Variants in VAV3 observed in about 807,000 individuals in gnomAD.
VAV3 encodes the protein guanine nucleotide exchange factor VAV3.
In VAV3, 94 loss-of-function variants were observed where a neutral mutation model predicts 131.2. The observed-to-expected ratio is 0.72, with a 90% CI of 0.61 to 0.85. VAV3 has a LOEUF of 0.85. VAV3 is among the 40% of genes least tolerant of loss of function. The pLI, the probability that VAV3 is intolerant of heterozygous loss-of-function variation, is 0.00. For missense variants in VAV3, 939 were observed against 1,002.7 expected (o/e 0.94, Z 0.86); for synonymous variants, 349 against 342.0 (o/e 1.02, Z -0.22).
At chr1:107,801,389 T>C (rs1230052978) in intron 2 of VAV3, among the ~76,000 whole-genome samples, 4 of 152,164 alleles carry the variant, frequency 2.6e-5, no homozygotes, top group African/African-American at 7.2e-5. Context: ...AATCTATAGA[T>C]TGCTTTGAGT....
rs912920640 is a variant in VAV3 at position 107,603,160 on chromosome 1, A to G, written c.2019T>C (p.Tyr673=). 8.1e-6 allele frequency: 13 copies of G among 1,612,284 alleles called. No individual in the cohort carries two copies. The highest frequency in any genetic ancestry group is 1.6e-4 in the Middle Eastern group (1 of 6,076). The change falls in exon 23 of 27, where the codon TAT becomes TAC. Residue 673 remains tyrosine (Y), a synonymous_variant. Transcript: ENST00000370056. The part of the protein sequence containing the change: ...KPVDYSCQPW[Y]AGAMERLQAE... ...CTTGCAATCTTTCCATTGCTCCAGC[A>G]TACCTGTAAAAAACAATGACACAGA...
rs184015956 is a variant in VAV3 at position 107,785,752 on chromosome 1, A to T, written c.322-6260T>A. On this transcript the variant is annotated intron_variant, in intron 2 of 26. Coordinates refer to ENST00000370056, the MANE Select transcript of VAV3 (RefSeq NM_006113.5). ...GAAGCATAGTCTGTAGACCAGGTCA[A>T]CTGCAAGCTAGAGGCACCCCAGAGA... 1.2e-3 allele frequency: 910 copies of T among 728,948 alleles called. 1 individual carries two copies. The highest frequency in any genetic ancestry group is 1.4e-3 in the Non-Finnish European group (850 of 589,722). 45.2% of individuals were successfully genotyped at this position (728,948 alleles called of 1,614,324 possible). A position where few individuals can be genotyped will look rare whatever the true frequency, so the allele number is the denominator to read the frequency against.
chr1:107,661,751 G>C (rs1288056013), intron 19 of VAV3, among the ~76,000 whole-genome samples: 1 of 151,870 alleles, frequency 6.6e-6, no homozygotes, highest in East Asian at 1.9e-4. Context: ...TGACAATATG[G>C]GGCCATTCTG....
At chr1:107,795,897 G>A (rs919332338) in intron 2 of VAV3, among the ~76,000 whole-genome samples, 7 of 152,144 alleles carry the variant, frequency 4.6e-5, no homozygotes, top group African/African-American at 1.7e-4. Flanking sequence ...TGGACCGAAA[G>A]ATATCCCCCA....
At chr1:107,767,583 C>A (rs1181210796) in intron 7 of VAV3, among the ~76,000 whole-genome samples, 1 of 152,160 alleles carries the variant, frequency 6.6e-6, no homozygotes, top group Admixed American at 6.5e-5. Context: ...GATGACATGC[C>A]ATTGCTTACC....
chr1:107,861,013 CT>C (rs1385555774), intron 2 of VAV3, among the ~76,000 whole-genome samples: 2 of 151,634 alleles, frequency 1.3e-5, no homozygotes, highest in East Asian at 3.9e-4. Context: ...ATAGATTATG[CT>C]TTATTATTAG....
At chr1:107,759,339 T>C (rs1664290127) in intron 10 of VAV3, among the ~76,000 whole-genome samples, 1 of 152,200 alleles carries the variant, frequency 6.6e-6, no homozygotes. Flanking sequence ...AAGTTACTTT[T>C]ACTTCATTAA....
At chr1:107,746,669 C>T (rs773028792) in intron 15 of VAV3, among the ~76,000 whole-genome samples, 19 of 152,124 alleles carry the variant, frequency 1.2e-4, no homozygotes, top group Middle Eastern at 3.2e-3. Flanking sequence ...CAGCCTCCCT[C>T]GGCAGGTGCG....
At chr1:107,954,163 C>T (rs1034449401) in intron 1 of VAV3, among the ~76,000 whole-genome samples, 3 of 152,068 alleles carry the variant, frequency 2.0e-5, no homozygotes, top group Non-Finnish European at 4.4e-5. Context: ...AATAATGCTC[C>T]AAATAATAGC....
chr1:107,772,341 T>C (rs1665095526), intron 5 of VAV3, among the ~76,000 whole-genome samples: 1 of 152,174 alleles, frequency 6.6e-6, no homozygotes, highest in Non-Finnish European at 1.5e-5. Context: ...AGAAATACTC[T>C]TTAATATATA....
chr1:107,662,101 G>C (rs1360740296), intron 19 of VAV3, among the ~76,000 whole-genome samples: 1 of 152,088 alleles, frequency 6.6e-6, no homozygotes, highest in Non-Finnish European at 1.5e-5. Context: ...TTGAAAACTA[G>C]AGCACTGTAT....
At chr1:107,770,910 T>G (rs749320941) in intron 5 of VAV3, among the ~76,000 whole-genome samples, 182 bp from the exon 6 acceptor site, 1 of 152,164 alleles carries the variant, frequency 6.6e-6, no homozygotes, top group East Asian at 1.9e-4. Context: ...TCGTGAACAA[T>G]GTAATGACAA....
intron 1 of VAV3, among the ~76,000 whole-genome samples, chr1:107,921,437 G>T (rs1364158129): frequency 1.3e-5 from 2 of 152,320 alleles, no homozygotes; most frequent in Admixed American, 6.5e-5. Context: ...CCTCTAAATT[G>T]TAAGAAGGTT....
At chr1:107,641,843 A>C (rs1227193455) in intron 20 of VAV3, among the ~76,000 whole-genome samples, 1 of 152,188 alleles carries the variant, frequency 6.6e-6, no homozygotes, top group African/African-American at 2.4e-5. Context: ...AATTTTTAAT[A>C]AAAATGATAA....
chr1:107,862,903 C>T (rs977361353), intron 2 of VAV3: 1 of 152,180 alleles, frequency 6.6e-6, no homozygotes, highest in Non-Finnish European at 1.5e-5. Flanking sequence ...TCTAAGTGTT[C>T]TACCAGGGAC....
intron 15 of VAV3, among the ~76,000 whole-genome samples, chr1:107,714,761 C>T (rs1052283414): frequency 2.0e-5 from 3 of 152,098 alleles, no homozygotes; most frequent in Non-Finnish European, 4.4e-5. Context: ...TTCACCTATT[C>T]CTTTCCTTAT....
At chr1:107,760,123 CA>C (rs1254684190) in intron 10 of VAV3, among the ~76,000 whole-genome samples, 2 of 152,090 alleles carry the variant, frequency 1.3e-5, no homozygotes, top group African/African-American at 4.8e-5. Context: ...ATTTCACATA[CA>C]GGTAGTAGAT....
intron 1 of VAV3, among the ~76,000 whole-genome samples, chr1:107,906,504 A>C (rs1472950894): frequency 6.6e-6 from 1 of 151,976 alleles, no homozygotes; most frequent in Non-Finnish European, 1.5e-5. Context: ...CTCTACTAAA[A>C]ACACACAAAA....
chr1:107,735,352 A>T (rs1662542596), intron 15 of VAV3, among the ~76,000 whole-genome samples: 1 of 152,246 alleles, frequency 6.6e-6, no homozygotes, highest in African/African-American at 2.4e-5. Flanking sequence ...AGAAATAACT[A>T]AGGTTAGAGC....
Sources: allele counts gnomAD v4.1 joint callset (sites outside exome capture counted in the v4.1 genomes callset), GRCh38; gene constraint gnomAD v4.1.1; transcripts MANE v1.5; gene names NCBI Gene and HGNC (gene_info 2026-07-23, HGNC 2026-07-21).